Variants in ASRGL1 observed in about 807,000 individuals in gnomAD.
ASRGL1 encodes the protein isoaspartyl peptidase/L-asparaginase.
ASRGL1 carries 16 observed loss-of-function variants against 22.4 expected under a neutral mutation model. That is an observed-to-expected ratio of 0.71 (90% confidence interval 0.48 to 1.08). The LOEUF is 1.08. Among genes scored for constraint, ASRGL1 ranks in the 50% least tolerant of loss-of-function variants. ASRGL1 has a pLI of 0.00. For synonymous variants in ASRGL1, 165 were observed against 159.3 expected (o/e 1.04, Z -0.27); for missense variants, 412 against 410.1 (o/e 1.00, Z -0.04).
chr11:62,376,148 G>C (rs1296500386), intron 4 of ASRGL1, among the ~76,000 whole-genome samples: 1 of 146,996 alleles, frequency 6.8e-6, no homozygotes, highest in East Asian at 2.0e-4. Context: ...CTACTCTCTG[G>C]AGTTTGTGTC....
intron 3 of ASRGL1, among the ~76,000 whole-genome samples, chr11:62,356,758 G>A (rs1946306269): frequency 6.6e-6 from 1 of 152,114 alleles, no homozygotes; most frequent in Non-Finnish European, 1.5e-5. Context: ...TAAATTTAAC[G>A]TATATGTAAA....
intron 2 of ASRGL1, among the ~76,000 whole-genome samples, chr11:62,340,600 C>T (rs1269556900): frequency 6.6e-6 from 1 of 152,156 alleles, no homozygotes; most frequent in Non-Finnish European, 1.5e-5. Flanking sequence ...TTTTTTTGCT[C>T]TGTATCCAGA....
chr11:62,372,323 C>T, intron 4 of ASRGL1: 1 of 1,600,002 alleles, frequency 6.2e-7, no homozygotes, highest in South Asian at 1.1e-5. Context: ...GCCTTGGCAA[C>T]TAGACAGACG....
Position 62,356,415 on chromosome 11 carries a change from C to A in ASRGL1, c.281C>A (p.Ala94Glu). The A allele has an allele frequency of 1.1e-5, 17 of 1,614,200 alleles. No homozygotes were observed. The highest frequency in any genetic ancestry group is 1.4e-5 in the Non-Finnish European group (17 of 1,180,016). The change falls in exon 3 of 7, where the codon GCA (alanine) becomes GAA (glutamate). Residue 94 changes from alanine to glutamate, a missense_variant. Coordinates refer to ENST00000415229, the MANE Select transcript of ASRGL1 (RefSeq NM_001083926.2). ...GACCTGTCTGCAGGAGCAGTGTCCG[C>A]AGTCCAGTGTATAGCAAATCCCATT... Reference protein sequence around the residue: ...GKDLSAGAVSAVQCIANPIKL... With the variant: ...GKDLSAGAVSEVQCIANPIKL...
At chr11:62,395,381 G>A (rs900306960), downstream of ASRGL1, among the ~76,000 whole-genome samples, 12 of 152,088 alleles carry the variant, frequency 7.9e-5, no homozygotes, top group South Asian at 2.1e-4. Flanking sequence ...AGCACAAGAC[G>A]GGCCCTGAGC....
chr11:62,344,576 T>A lies in ASRGL1; in HGVS notation c.190+6409T>A, dbSNP rs112985439. On this transcript the variant is annotated intron_variant, in intron 2 of 6. Coordinates refer to ENST00000415229, the MANE Select transcript of ASRGL1 (RefSeq NM_001083926.2). ...AAATTTTTGTATACGATGCAAGGTATATATCAAGATTCCATTTTTGGTTTT... is the reference window on the plus strand; with the variant it reads ...AAATTTTTGTATACGATGCAAGGTAAATATCAAGATTCCATTTTTGGTTTT... Among the ~76,000 whole-genome samples the A allele has an allele frequency of 8.6e-5, 13 of 152,026 alleles. 1 individual carries two copies. Among genetic ancestry groups the A allele is most frequent in the African/African-American group, 3.1e-4 (13 of 41,414 alleles).
chr11:62,372,579 C>A (rs1946802451), intron 4 of ASRGL1: 1 of 884,394 alleles, frequency 1.1e-6, no homozygotes, highest in Non-Finnish European at 1.9e-6. Flanking sequence ...AAGACAGATT[C>A]TGCCTGTACC....
downstream of ASRGL1, among the ~76,000 whole-genome samples, chr11:62,396,435 A>G (rs1280351953): frequency 6.6e-6 from 1 of 152,256 alleles, no homozygotes; most frequent in Non-Finnish European, 1.5e-5. Context: ...GAGGAGGCAT[A>G]GGAATTATTC....
intron 2 of ASRGL1, among the ~76,000 whole-genome samples, chr11:62,341,704 A>G (rs1371217527): frequency 2.0e-5 from 3 of 152,208 alleles, no homozygotes; most frequent in Admixed American, 6.5e-5. Flanking sequence ...GTTTGTTGGT[A>G]TAATTTGCAT....
intron 2 of ASRGL1, among the ~76,000 whole-genome samples, chr11:62,352,800 A>T (rs559958811): frequency 6.6e-6 from 1 of 152,182 alleles, no homozygotes; most frequent in East Asian, 1.9e-4. Context: ...TTGTCATTAA[A>T]ACTGGTTTCT....
rs533646546 is a variant in ASRGL1, at chr11:62,356,384, G to A, written c.250G>A (p.Gly84Arg). 6.2e-7 allele frequency: 1 copy of A among 1,614,130 alleles called. No individual in the cohort carries two copies. The highest frequency in any genetic ancestry group is 8.5e-7 in the Non-Finnish European group (1 of 1,179,960). ...EVEMDASIMD[G>R]KDLSAGAVSA... ...TGAAATGGATGCTAGTATCATGGATGGAAAAGACCTGTCTGCAGGAGCAGT... is the reference window on the plus strand; with the variant it reads ...TGAAATGGATGCTAGTATCATGGATAGAAAAGACCTGTCTGCAGGAGCAGT... Residue 84 changes from glycine to arginine, a missense_variant, in exon 3 of 7, where the codon GGA (glycine) becomes AGA (arginine). Physicochemically the swap from Gly to Arg is moderately radical, Grantham distance 125 (BLOSUM62 -2). Transcript: ENST00000415229.
downstream of ASRGL1, among the ~76,000 whole-genome samples, chr11:62,395,991 C>A (rs2068980142): frequency 6.6e-6 from 1 of 151,702 alleles, no homozygotes; most frequent in Non-Finnish European, 1.5e-5. Flanking sequence ...ACAGGCTGGT[C>A]TCGAACTCCT....
At chr11:62,374,916 C>G (rs1007237943) in intron 4 of ASRGL1, among the ~76,000 whole-genome samples, 6 of 152,176 alleles carry the variant, frequency 3.9e-5, no homozygotes, top group Non-Finnish European at 8.8e-5. Context: ...ACAGGTCTCT[C>G]CTGGAACGCA....
intron 4 of ASRGL1, among the ~76,000 whole-genome samples, chr11:62,362,163 C>T (rs1458014959): frequency 6.6e-6 from 1 of 151,930 alleles, no homozygotes; most frequent in Non-Finnish European, 1.5e-5. Context: ...AATGGTAGTG[C>T]TTTGGAACAA....
At chr11:62,354,475 AAG>A (rs1471575154) in intron 2 of ASRGL1, among the ~76,000 whole-genome samples, 2 of 152,214 alleles carry the variant, frequency 1.3e-5, no homozygotes, top group Non-Finnish European at 2.9e-5. Context: ...CTGATAATAA[AAG>A]AGAACAATTA....
rs746830715 is a variant in ASRGL1 at position 62,338,014 on chromosome 11, G to A, written c.37G>A (p.Gly13Ser). Residue 13 changes from glycine to serine, a missense_variant, in exon 2 of 7, where the codon GGT becomes AGT. Coordinates refer to ENST00000415229, the MANE Select transcript of ASRGL1 (RefSeq NM_001083926.2). ...PIVVVHGGGA[G>S]PISKDRKERV... ...CGTAGTGGTCCACGGCGGCGGAGCC[G>A]GTCCCATCTCCAAGGATCGGAAGGA... 1.9e-6 allele frequency: 3 copies of A among 1,606,490 alleles called. No homozygotes were observed. Among genetic ancestry groups the A allele is most frequent in the Admixed American group, 3.4e-5 (2 of 58,818 alleles).
intron 4 of ASRGL1, among the ~76,000 whole-genome samples, chr11:62,386,478 G>GTACGTATCA (rs1947212047): frequency 6.7e-6 from 1 of 149,176 alleles, no homozygotes; most frequent in Admixed American, 6.6e-5. Context: ...TCATAGATAT[G>GTACGTATCA]TACATATATA....
intron 5 of ASRGL1, among the ~76,000 whole-genome samples, chr11:62,390,967 A>C (rs1209994984): frequency 6.6e-6 from 1 of 152,222 alleles, no homozygotes; most frequent in African/African-American, 2.4e-5. Context: ...TAAGGAAGAA[A>C]TCTTATCAAA....
intron 4 of ASRGL1, among the ~76,000 whole-genome samples, chr11:62,364,061 A>G (rs1946548945): frequency 6.7e-6 from 1 of 149,330 alleles, no homozygotes; most frequent in South Asian, 2.1e-4. Flanking sequence ...CGGGAGGCTG[A>G]GGCAGGAGAA....
Sources: gnomAD v4.1 joint callset for allele counts (sites outside exome capture counted in the v4.1 genomes callset) on GRCh38, gnomAD v4.1.1 for gene constraint, MANE v1.5 for transcripts, NCBI Gene and HGNC (gene_info 2026-07-23, HGNC 2026-07-21) for gene names.